Variants in GLIS3 observed in about 807,000 individuals in gnomAD.
GLIS3 encodes the protein zinc finger protein GLIS3.
Under a neutral mutation model 78.6 loss-of-function variants are expected in GLIS3, and 53 were observed. That is an observed-to-expected ratio of 0.67 (90% CI 0.54 to 0.85). The LOEUF is 0.85. GLIS3 is among the 40% of genes least tolerant of loss of function. The pLI is 0.00. For synonymous variants in GLIS3, 684 were observed against 509.9 expected, an observed-to-expected ratio of 1.34 and a Z score of -4.60; for missense variants, 1,703 against 1,231.1, an observed-to-expected ratio of 1.38 and a Z score of -5.74.
At chr9:4,419,465 G>C in the GLIS3 span, among the ~76,000 whole-genome samples, 9 of 152,148 alleles carry the variant, frequency 5.9e-5, no homozygotes, top group African/African-American at 2.2e-4. Context: ...AGGAGCAAGA[G>C]AGAGGGAAGG....
chr9:4,075,882 A>G (rs1240538654), intron 4 of GLIS3, among the ~76,000 whole-genome samples: 3 of 152,250 alleles, frequency 2.0e-5, no homozygotes, highest in Admixed American at 6.5e-5. Flanking sequence ...TATTCCATTT[A>G]TGTAAAATTC....
intron 8 of GLIS3, among the ~76,000 whole-genome samples, chr9:3,866,035 G>A (rs1049402685): frequency 6.6e-6 from 1 of 152,170 alleles, no homozygotes; most frequent in African/African-American, 2.4e-5. Context: ...AGCAGATTGT[G>A]GAGGTGGAAG....
intron 2 of GLIS3, among the ~76,000 whole-genome samples, chr9:4,171,839 G>A (rs1167792445): frequency 6.6e-6 from 1 of 152,170 alleles, no homozygotes; most frequent in Non-Finnish European, 1.5e-5. Context: ...CAAATTGGCT[G>A]ATGATTAAAC....
the GLIS3 span, among the ~76,000 whole-genome samples, chr9:4,407,528 T>A: frequency 6.6e-6 from 1 of 152,130 alleles, no homozygotes; most frequent in African/African-American, 2.4e-5. Flanking sequence ...GCGCCTGTAG[T>A]CCCAGCTACT....
At position 4,258,154 on chromosome 9, in the gene GLIS3, A is replaced by G. The variant is rs561502823; in HGVS notation, c.388+27884T>C. Among the ~76,000 whole-genome samples the G allele has an allele frequency of 4.6e-5, 7 of 152,284 alleles. No individual in the cohort carries two copies. The South Asian group carries it at 1.5e-3, about 32-fold the overall frequency. ...TTTTCAGTACTTTCCTAATTCTACA[A>G]TGAAAAAAAATACGTCTTTTTTGTT... is the stretch of plus-strand genomic sequence containing the variant. On this transcript the variant is annotated intron_variant, in intron 2 of 10. Transcript: ENST00000381971.
At chr9:4,340,416 A>G (rs1371016023) in intron 2 of GLIS3, among the ~76,000 whole-genome samples, 1 of 152,154 alleles carries the variant, frequency 6.6e-6, no homozygotes, top group East Asian at 1.9e-4. Flanking sequence ...AGGCAACTCA[A>G]TTCCAGGATG....
At chr9:4,453,349 A>AAAC in the GLIS3 span, among the ~76,000 whole-genome samples, 1 of 133,550 alleles carries the variant, frequency 7.5e-6, no homozygotes, top group East Asian at 1.9e-4. Flanking sequence ...GCACAGCAAA[A>AAAC]AAAAAAAAAA....
the GLIS3 span, among the ~76,000 whole-genome samples, chr9:4,359,548 A>C: frequency 6.6e-6 from 1 of 152,140 alleles, no homozygotes; most frequent in Non-Finnish European, 1.5e-5. Context: ...ATAGCTTCTG[A>C]CTGTTGACAG....
At chr9:4,100,367 G>T (rs964020378) in intron 4 of GLIS3, among the ~76,000 whole-genome samples, 5 of 152,196 alleles carry the variant, frequency 3.3e-5, no homozygotes, top group Non-Finnish European at 7.3e-5. Context: ...ACATGAGAGA[G>T]AGTATTTGTA....
the GLIS3 span, among the ~76,000 whole-genome samples, chr9:4,477,623 A>C: frequency 3.3e-5 from 5 of 152,158 alleles, no homozygotes; most frequent in East Asian, 9.7e-4. Flanking sequence ...TATGTTGCCC[A>C]AGCTGGTTTT....
At chr9:4,243,614 A>G (rs1334362000) in intron 2 of GLIS3, among the ~76,000 whole-genome samples, 1 of 152,218 alleles carries the variant, frequency 6.6e-6, no homozygotes, top group South Asian at 2.1e-4. Context: ...ACCTTGGAAG[A>G]AAGATTTAAT....
Position 3,826,346 on chromosome 9 carries a change from C to T in GLIS3, c.*1926G>A. 1 of 152,150 alleles carries T rather than the reference C, an allele frequency of 6.6e-6. No homozygotes were observed. Among genetic ancestry groups the T allele is most frequent in the South Asian group, 2.1e-4 (1 of 4,830 alleles). 9.4% of individuals were successfully genotyped at this position (152,150 alleles called of 1,614,324 possible). A position where few individuals can be genotyped will look rare whatever the true frequency, so the allele number is the denominator to read the frequency against. ...AGCTGTGAGCATGCATATGTTAGGCCACTTGTTTAGGCCAAGTGACACGAC... is the reference window on the plus strand; with the variant it reads ...AGCTGTGAGCATGCATATGTTAGGCTACTTGTTTAGGCCAAGTGACACGAC... On this transcript the variant is annotated 3_prime_UTR_variant, in exon 11 of 11. Transcript: ENST00000381971.
intron 2 of GLIS3, among the ~76,000 whole-genome samples, chr9:4,143,247 G>A (rs185494364): frequency 6.6e-6 from 1 of 151,966 alleles, no homozygotes; most frequent in African/African-American, 2.4e-5. Context: ...GTATTTGTGT[G>A]TGTGTGTGTG....
chr9:4,039,724 A>G (rs993622738), intron 4 of GLIS3, among the ~76,000 whole-genome samples: 1 of 152,096 alleles, frequency 6.6e-6, no homozygotes, highest in Admixed American at 6.6e-5. Flanking sequence ...TTCCTCTACA[A>G]TCGGTCCAGA....
At chr9:4,035,404 C>A (rs1563971059) in intron 4 of GLIS3, among the ~76,000 whole-genome samples, 1 of 151,462 alleles carries the variant, frequency 6.6e-6, no homozygotes, top group South Asian at 2.1e-4. Context: ...GTTTGACAAC[C>A]CCAGAATATC....
At chr9:4,076,181 G>A (rs562403266) in intron 4 of GLIS3, among the ~76,000 whole-genome samples, 1 of 152,194 alleles carries the variant, frequency 6.6e-6, no homozygotes, top group Non-Finnish European at 1.5e-5. Context: ...TCTGTAGAGT[G>A]TAGGAAGACT....
intron 1 of GLIS3, among the ~76,000 whole-genome samples, chr9:4,298,998 C>T (rs1308012133): frequency 6.6e-6 from 1 of 152,198 alleles, no homozygotes; most frequent in East Asian, 1.9e-4. Flanking sequence ...GCCAAAGTTT[C>T]CCTTCAGTGG....
Position 4,267,720 on chromosome 9 carries a change from A to G in GLIS3, c.388+18318T>C, listed in dbSNP as rs116485958. 5.1e-3 allele frequency among the ~76,000 whole-genome samples: 780 copies of G among 152,282 alleles called. 4 individuals are homozygous for G. Among genetic ancestry groups the G allele is most frequent in the African/African-American group, 0.018 (759 of 41,550 alleles). ...ATAAAACAACGATAAGAAGAAAGGA[A>G]TATCTTAAGTCATTTCATTCAGCTT... On this transcript the variant is annotated intron_variant, in intron 2 of 10. Transcript: ENST00000381971.
chr9:3,982,177 C>G (rs960585019), intron 4 of GLIS3, among the ~76,000 whole-genome samples: 4 of 151,582 alleles, frequency 2.6e-5, no homozygotes, highest in Admixed American at 6.6e-5. Context: ...CATGATTTGC[C>G]CTTCCTCTAC....
Sources: gnomAD v4.1 joint callset for allele counts (sites outside exome capture counted in the v4.1 genomes callset) on GRCh38, gnomAD v4.1.1 for gene constraint, MANE v1.5 for transcripts, NCBI Gene and HGNC (gene_info 2026-07-23, HGNC 2026-07-21) for gene names.